Variants in RNF216 observed in about 807,000 individuals in gnomAD.
The protein encoded by RNF216 is E3 ubiquitin-protein ligase RNF216.
Under a neutral mutation model 110.8 loss-of-function variants are expected in RNF216, and 72 were observed. That is an observed-to-expected ratio of 0.65 (90% CI 0.54 to 0.79). The LOEUF is 0.79. Among genes scored for constraint, RNF216 ranks in the 30% least tolerant of loss-of-function variants. The pLI is 0.00. For synonymous variants in RNF216, 495 were observed against 407.5 expected (o/e 1.21, Z -2.59); for missense variants, 1,342 against 1,141.2 (o/e 1.18, Z -2.54).
At chr7:5,638,469 G>C (rs926548667) in intron 15 of RNF216, among the ~76,000 whole-genome samples, 2 of 152,090 alleles carry the variant, frequency 1.3e-5, no homozygotes, top group Admixed American at 6.6e-5. Flanking sequence ...CTTCGGATCT[G>C]TACACAGTAA....
intron 13 of RNF216, chr7:5,666,603 A>AC (rs1789543421): frequency 6.6e-6 from 1 of 151,876 alleles, no homozygotes; most frequent in Non-Finnish European, 1.5e-5. Context: ...TTCCCAAAGA[A>AC]CCCCACCTGC....
intron 1 of RNF216, among the ~76,000 whole-genome samples, chr7:5,772,898 C>G (rs1270205565): frequency 6.6e-6 from 1 of 151,982 alleles, no homozygotes; most frequent in African/African-American, 2.4e-5. Flanking sequence ...CCTGCCTCAC[C>G]CTCCCGAGTA....
chr7:5,710,413 C>T (rs1223889881), intron 13 of RNF216, among the ~76,000 whole-genome samples: 3 of 151,752 alleles, frequency 2.0e-5, no homozygotes, highest in Non-Finnish European at 4.4e-5. Flanking sequence ...ATAATGGTCT[C>T]TCCTCTTCTT....
At chr7:5,625,520 C>A (rs774039619) in intron 15 of RNF216, among the ~76,000 whole-genome samples, 16 of 152,192 alleles carry the variant, frequency 1.1e-4, no homozygotes, top group Non-Finnish European at 2.4e-4. Context: ...AGATGGGCAG[C>A]CCCATCGAGG....
In RNF216 at chr7:5,624,078, C is replaced by G. The variant is rs1786559111; in HGVS notation, c.2430G>C (p.Glu810Asp). The G allele has an allele frequency of 6.2e-7, 1 of 1,613,812 alleles. No individual in the cohort carries two copies. Among genetic ancestry groups the G allele is most frequent in the Non-Finnish European group, 8.5e-7 (1 of 1,179,954 alleles). The change falls in exon 16 of 17, where the codon GAG becomes GAC. Residue 810 changes from glutamate (E) to aspartate (D), a missense_variant. By Grantham distance (45) the Glu-to-Asp change is conservative. Transcript: ENST00000389902. This position sits in a 1 kb window ranked among gnomAD's most constrained non-coding sequence, Gnocchi z 4.4. ...LIEEIQKEAE[E>D]EQKRKNGENT... ...TGCCTCCATTCTTTCTTTTCTGTTCCTCTTCAGCCTCCTTCTGGATTTCCT... is the reference window on the plus strand; with the variant it reads ...TGCCTCCATTCTTTCTTTTCTGTTCGTCTTCAGCCTCCTTCTGGATTTCCT...
chr7:5,775,340 T>C (rs1796714581), intron 1 of RNF216, among the ~76,000 whole-genome samples: 1 of 152,240 alleles, frequency 6.6e-6, no homozygotes, highest in African/African-American at 2.4e-5. Flanking sequence ...GTGACCAGAA[T>C]GCTTGAGGCT....
At chr7:5,731,603 C>A (rs1794094836) in intron 5 of RNF216, among the ~76,000 whole-genome samples, 2 of 151,444 alleles carry the variant, frequency 1.3e-5, no homozygotes, top group South Asian at 4.1e-4. Context: ...GTAGTGCAGA[C>A]AGAGTGGGTG....
chr7:5,691,429 G>A (rs993562860), intron 13 of RNF216, among the ~76,000 whole-genome samples: 5 of 151,880 alleles, frequency 3.3e-5, no homozygotes, highest in African/African-American at 1.2e-4. Context: ...AGGAACAGAT[G>A]AATGCGTAAG....
intron 13 of RNF216, among the ~76,000 whole-genome samples, chr7:5,698,502 G>A (rs1222104002): frequency 6.6e-6 from 1 of 151,918 alleles, no homozygotes; most frequent in African/African-American, 2.4e-5. Context: ...TGATCTTCCC[G>A]CCTCAGCCTC....
intron 14 of RNF216, among the ~76,000 whole-genome samples, chr7:5,652,137 ACTTG>A (rs931164136): frequency 6.6e-6 from 1 of 152,198 alleles, no homozygotes; most frequent in African/African-American, 2.4e-5. Flanking sequence ...AAAACGCGTT[ACTTG>A]CTTATTTAGA....
chr7:5,756,135 C>G (rs950098744), intron 2 of RNF216, among the ~76,000 whole-genome samples: 1 of 151,968 alleles, frequency 6.6e-6, no homozygotes, highest in Non-Finnish European at 1.5e-5. Context: ...TTGAGGTGTC[C>G]GATGGTTTTA....
At chr7:5,757,077 TTC>T (rs2128667681) in intron 2 of RNF216, among the ~76,000 whole-genome samples, 1 of 152,376 alleles carries the variant, frequency 6.6e-6, no homozygotes, top group East Asian at 1.9e-4. Flanking sequence ...TTGTGATTTC[TTC>T]TCACACTGGG....
Position 5,622,767 on chromosome 7 carries a change from G to T in RNF216, c.*93C>A. The T allele has an allele frequency of 8.0e-7, 1 of 1,248,510 alleles. No individual in the cohort carries two copies. The highest frequency in any genetic ancestry group is 1.1e-6 in the Non-Finnish European group (1 of 899,610). The allele number at this position is 1,248,510 out of a possible 1,614,324, so 77.3% of individuals were successfully genotyped here. A position where few individuals can be genotyped will look rare whatever the true frequency, so the allele number is the denominator to read the frequency against. On this transcript the variant is annotated 3_prime_UTR_variant, in exon 17 of 17. Transcript: ENST00000389902. ...CCTACCCTTCAAGCTGACTTAGGATGCAATGGTACAGACACCAGCCTTGGG... is the reference window on the plus strand; with the variant it reads ...CCTACCCTTCAAGCTGACTTAGGATTCAATGGTACAGACACCAGCCTTGGG...
intron 15 of RNF216, among the ~76,000 whole-genome samples, chr7:5,638,911 A>G (rs1033798626): frequency 6.6e-6 from 1 of 152,132 alleles, no homozygotes; most frequent in Non-Finnish European, 1.5e-5. Context: ...TACAGACATG[A>G]GCCACTGCAC....
intron 13 of RNF216, among the ~76,000 whole-genome samples, chr7:5,690,556 C>G (rs1441955619): frequency 2.6e-5 from 4 of 152,118 alleles, no homozygotes; most frequent in African/African-American, 9.7e-5. Flanking sequence ...CCTTCACCTC[C>G]CCTAGAAACT....
At chr7:5,643,031 C>T (rs1787837073) in intron 14 of RNF216, among the ~76,000 whole-genome samples, 1 of 152,072 alleles carries the variant, frequency 6.6e-6, no homozygotes, top group South Asian at 2.1e-4. Context: ...TTTGCTTGCT[C>T]ATCCGATCTG....
At position 5,641,216 on chromosome 7, in the gene RNF216, G is replaced by C. The variant is rs1291599394; in HGVS notation, c.2320C>G (p.Pro774Ala). The change falls in exon 15 of 17, where the codon CCC becomes GCC. Residue 774 changes from proline to alanine, a missense_variant. Pro to Ala is a conservative substitution (Grantham distance 27, BLOSUM62 -1). Transcript: ENST00000389902. Reference protein sequence around the residue: ...INGYDHFCQHPRSPGAPCQEC... With the variant: ...INGYDHFCQHARSPGAPCQEC... ...TGGCAAGGGGCTCCTGGTGAGCGGG[G>C]ATGTTGGCAGAAATGGTCATATCCA... is the stretch of plus-strand genomic sequence containing the variant. 3 of 1,614,048 alleles carry C rather than the reference G, an allele frequency of 1.9e-6. No homozygotes were observed. Among genetic ancestry groups the C allele is most frequent in the Non-Finnish European group, 2.5e-6 (3 of 1,180,042 alleles).
At chr7:5,692,769 T>C (rs1791412393) in intron 13 of RNF216, among the ~76,000 whole-genome samples, 1 of 152,244 alleles carries the variant, frequency 6.6e-6, no homozygotes. Flanking sequence ...ACATTTCTAT[T>C]TTTCAAGTTC....
rs1482732043 is a variant in RNF216, at chr7:5,741,078, T to A, written c.939A>T (p.Pro313=). Residue 313 remains proline (P), a synonymous_variant, in exon 4 of 17, where the codon CCA becomes CCT. Coordinates refer to ENST00000389902, the MANE Select transcript of RNF216 (RefSeq NM_207111.4). ...QLASDDEEPG[P]AFPMQESQEP... ...CTTGAGATTCTTGCATTGGAAAGGC[T>A]GGACCTGGCTCTTCATCATCACTTG... is the stretch of plus-strand genomic sequence containing the variant. 1 of 1,614,198 alleles carries A rather than the reference T, an allele frequency of 6.2e-7. No homozygotes were observed. The highest frequency in any genetic ancestry group is 1.3e-5 in the African/African-American group (1 of 75,038).
Sources: allele counts gnomAD v4.1 joint callset (sites outside exome capture counted in the v4.1 genomes callset), GRCh38; gene constraint gnomAD v4.1.1; non-coding constraint Gnocchi (gnomAD v3.1); transcripts MANE v1.5; gene names NCBI Gene and HGNC (gene_info 2026-07-23, HGNC 2026-07-21).